Variants in SPINT4 observed in about 807,000 individuals in gnomAD.
SPINT4 encodes the protein kunitz-type protease inhibitor 4.
In SPINT4, 7 loss-of-function variants were observed where a neutral mutation model predicts 9.4. That is an observed-to-expected ratio of 0.74 (90% CI 0.42 to 1.40). The LOEUF (loss-of-function observed/expected upper bound fraction) is 1.40, where lower values mean the gene tolerates loss of function less well. Ranked by LOEUF, SPINT4 falls within the 40% of genes most tolerant of loss-of-function variation. The probability of loss-of-function intolerance (pLI) is 0.01; values close to 1 mark genes in which losing one functional copy is unlikely to be tolerated. For missense variants in SPINT4, 105 were observed against 114.4 expected, an observed-to-expected ratio of 0.92 and a Z score of 0.37; for synonymous variants, 36 against 39.9, an observed-to-expected ratio of 0.90 and a Z score of 0.37.
chr20:45,722,441 G>A lies in SPINT4; in HGVS notation c.74G>A (p.Gly25Asp), dbSNP rs937066626. 6.2e-7 allele frequency: 1 copy of A among 1,613,550 alleles called. No individual in the cohort carries two copies. Among genetic ancestry groups the A allele is most frequent in the Admixed American group, 1.7e-5 (1 of 60,004 alleles). The change falls in exon 1 of 3, where the codon GGT becomes GAT. Residue 25 changes from glycine to aspartate, a missense_variant. Transcript: ENST00000279058. ...FCSLNTLLLG[G>D]VNKIAEKICG... is the part of the protein sequence containing the mutation. Reference sequence around the variant, plus strand: ...TCATTGAATACCCTGTTATTGGGTGGTGTTAATAAAATTGCGGAGAAGATA... The same window carrying A: ...TCATTGAATACCCTGTTATTGGGTGATGTTAATAAAATTGCGGAGAAGATA...
chr20:45,723,050 T>C (rs537083006), intron 1 of SPINT4, among the ~76,000 whole-genome samples: 2 of 152,268 alleles, frequency 1.3e-5, no homozygotes, highest in South Asian at 4.1e-4. Flanking sequence ...ACTTAGCAGA[T>C]ATGTGCCCTT....
Position 45,722,486 on chromosome 20 carries a change from T to C in SPINT4, c.115+4T>C, listed in dbSNP as rs780027209. 6.3e-7 allele frequency: 1 copy of C among 1,586,416 alleles called. No homozygotes were observed. ...AAGATATGTGGAGACCTCAAAGGTA[T>C]GAAGCTAAGGCAGAAAATAAATCCA... On this transcript the variant is annotated splice_donor_region_variant and intron_variant, in intron 1 of 2. Transcript: ENST00000279058.
rs1402838260 is a variant in SPINT4, at chr20:45,725,002, AT to A, written c.294-626del. Among the ~76,000 whole-genome samples, 105 of 107,956 alleles carry A rather than the reference AT, an allele frequency of 9.7e-4. 19 individuals carry two copies. In the East Asian group the frequency reaches 0.022, roughly 22 times the overall value. 70.8% of individuals were successfully genotyped at this position (107,956 alleles called of 152,430 possible). A position where few individuals can be genotyped will look rare whatever the true frequency, so the allele number is the denominator to read the frequency against. ...CTCAAAAAAAAAAAAAAAAATATAT[AT>A]ATATATATATATATATATATATATC... On this transcript the variant is annotated intron_variant, in intron 2 of 2. Coordinates refer to ENST00000279058, the MANE Select transcript of SPINT4 (RefSeq NM_178455.3).
chr20:45,724,363 C>T (rs1345513421), intron 2 of SPINT4, among the ~76,000 whole-genome samples: 2 of 151,702 alleles, frequency 1.3e-5, no homozygotes, highest in Non-Finnish European at 2.9e-5. Flanking sequence ...TGTCGCATGC[C>T]TGTAATCCCA....
At chr20:45,722,876 A>C (rs1386504) in intron 1 of SPINT4, among the ~76,000 whole-genome samples, 69,957 of 151,848 alleles carry the variant, frequency 0.46, 17,730 homozygotes, top group African/African-American at 0.67. Context: ...CATATACAGA[A>C]CTCTTGGACA....
chr20:45,723,810 C>A, intron 1 of SPINT4, 70 bp from the exon 2 acceptor site: 1 of 1,294,892 alleles, frequency 7.7e-7, no homozygotes, highest in Non-Finnish European at 1.0e-6. Context: ...TTTTTAAGGG[C>A]CCATAAAGAC....
rs759988065 is a variant in SPINT4 at position 45,723,932 on chromosome 20, A to G, written c.168A>G (p.Arg56=). ...GAAGCTGCTATGAAGTTCACTTTAG[A>G]TATTTCTACAACAGAACCTCCAAAA... ...NFGSCYEVHF[R]YFYNRTSKRC... The change falls in exon 2 of 3, where the codon AGA becomes AGG. Residue 56 remains arginine (R), a synonymous_variant. Transcript: ENST00000279058. 4 of 1,606,058 alleles carry G rather than the reference A, an allele frequency of 2.5e-6. No homozygotes were observed. The highest frequency in any genetic ancestry group is 3.4e-6 in the Non-Finnish European group (4 of 1,178,058).
At chr20:45,724,958 A>G (rs61527625) in intron 2 of SPINT4, among the ~76,000 whole-genome samples, 42,816 of 107,822 alleles carry the variant, frequency 0.4, 9,782 homozygotes, top group African/African-American at 0.61. Context: ...CCAGCCTGGG[A>G]GACAAAGTGA....
At chr20:45,725,523 C>T (rs1247949335) in intron 2 of SPINT4, 106 bp from the exon 3 acceptor site, 2 of 1,117,842 alleles carry the variant, frequency 1.8e-6, no homozygotes, top group Non-Finnish European at 2.7e-6. Flanking sequence ...AGATAGAAGG[C>T]ATCCTCTGTG....
Position 45,722,453 on chromosome 20 carries a change from T to C in SPINT4, c.86T>C (p.Ile29Thr), listed in dbSNP as rs1420612570. 3.1e-6 allele frequency: 5 copies of C among 1,612,888 alleles called. No individual in the cohort carries two copies. The highest frequency in any genetic ancestry group is 4.2e-6 in the Non-Finnish European group (5 of 1,178,992). ...NTLLLGGVNK[I>T]AEKICGDLKD... is the part of the protein sequence containing the mutation. ...CTGTTATTGGGTGGTGTTAATAAAA[T>C]TGCGGAGAAGATATGTGGAGACCTC... is the stretch of plus-strand genomic sequence containing the variant. Residue 29 changes from isoleucine (I) to threonine (T), a missense_variant, in exon 1 of 3, where the codon ATT (isoleucine) becomes ACT (threonine). Physicochemically the swap from Ile to Thr is moderately conservative, Grantham distance 89. Coordinates refer to ENST00000279058, the MANE Select transcript of SPINT4 (RefSeq NM_178455.3).
In SPINT4 at chr20:45,724,030, T is replaced by G. The variant is rs774975053; in HGVS notation, c.266T>G (p.Val89Gly). ...TTCAAGCTTAAAATAGAACGTGAAG[T>G]AGCCTGTGTTGCAAAATACAAACCA... is the stretch of plus-strand genomic sequence containing the variant. The part of the protein sequence containing the change: ...NNFKLKIERE[V>G]ACVAKYKPPR Residue 89 changes from valine to glycine, a missense_variant, in exon 2 of 3, where the codon GTA becomes GGA. Physicochemically the swap from Val to Gly is moderately radical, Grantham distance 109. Transcript: ENST00000279058. The G allele has an allele frequency of 1.9e-6, 3 of 1,609,026 alleles. No homozygotes were observed. The highest frequency in any genetic ancestry group is 2.5e-6 in the Non-Finnish European group (3 of 1,178,680).
At chr20:45,725,337 T>C (rs1318390238) in intron 2 of SPINT4, among the ~76,000 whole-genome samples, 1 of 151,974 alleles carries the variant, frequency 6.6e-6, no homozygotes, top group Non-Finnish European at 1.5e-5. Flanking sequence ...GTTTGGCTGA[T>C]TCCCAGGAGA....
At chr20:45,722,534 G>A in intron 1 of SPINT4, 52 bp downstream of exon 1, 1 of 1,345,318 alleles carries the variant, frequency 7.4e-7, no homozygotes, top group Non-Finnish European at 1.1e-6. Context: ...GAATGAGAGA[G>A]AAGGTATTGG....
Position 45,723,880 on chromosome 20 carries a change from A to T in SPINT4, c.116A>T (p.Asp39Val), listed in dbSNP as rs192699400. The T allele has an allele frequency of 1.3e-5, 20 of 1,583,870 alleles. No homozygotes were observed. In the East Asian group the frequency reaches 4.1e-4, roughly 33 times the overall value. The change falls in exon 2 of 3, where the codon GAT becomes GTT. Residue 39 changes from aspartate to valine, a missense_variant and splice_region_variant. By Grantham distance (152) the Asp-to-Val change is radical. Transcript: ENST00000279058. ...IAEKICGDLK[D>V]PCKLDMNFGS... ...AACTCAATGGGAACCTCTCATGCAG[A>T]TCCCTGCAAATTGGACATGAATTTT...
Position 45,723,986 on chromosome 20 carries a change from T to C in SPINT4, c.222T>C (p.Cys74=), listed in dbSNP as rs139011811. The stretch of plus-strand genomic sequence containing the variant: ...GTGAAACTTTTGTCTTCTCCGGCTG[T>C]AATGGCAACCTTAACAACTTCAAGC... ...KRCETFVFSG[C]NGNLNNFKLK... is the part of the protein sequence containing the mutation. Residue 74 remains cysteine (C), a synonymous_variant, in exon 2 of 3, where the codon TGT becomes TGC. Transcript: ENST00000279058. 6.2e-7 allele frequency: 1 copy of C among 1,610,802 alleles called. No homozygotes were observed. The highest frequency in any genetic ancestry group is 2.2e-5 in the East Asian group (1 of 44,786).
At chr20:45,725,156 T>C (rs999730049) in intron 2 of SPINT4, among the ~76,000 whole-genome samples, 38 of 151,168 alleles carry the variant, frequency 2.5e-4, no homozygotes, top group African/African-American at 9.0e-4. Flanking sequence ...ACAGTCACAA[T>C]GGTCTTGACA....
At chr20:45,724,996 ATATATATAT>A (rs1254947619) in intron 2 of SPINT4, among the ~76,000 whole-genome samples, 5 of 52,878 alleles carry the variant, frequency 9.5e-5, no homozygotes, top group Non-Finnish European at 1.7e-4. Context: ...AAAAAAAAAA[ATATATATAT>A]ATATATATAT....
At chr20:45,724,511 CTAAAAA>C (rs766701295) in intron 2 of SPINT4, among the ~76,000 whole-genome samples, 1 of 72,586 alleles carries the variant, frequency 1.4e-5, no homozygotes, top group Non-Finnish European at 2.3e-5. Flanking sequence ...AAAACTCCAT[CTAAAAA>C]AAAAAAAAAA....
chr20:45,722,964 G>T (rs747095274), intron 1 of SPINT4, among the ~76,000 whole-genome samples: 1 of 152,052 alleles, frequency 6.6e-6, no homozygotes, highest in Non-Finnish European at 1.5e-5. Flanking sequence ...GTGTGTGAAG[G>T]CTCAGCGCTT....
Sources: gnomAD v4.1 joint callset for allele counts (sites outside exome capture counted in the v4.1 genomes callset) on GRCh38, gnomAD v4.1.1 for gene constraint, MANE v1.5 for transcripts, NCBI Gene and HGNC (gene_info 2026-07-23, HGNC 2026-07-21) for gene names.